Variants in GLT1D1 observed in about 807,000 individuals in gnomAD.
GLT1D1 encodes the protein glycosyltransferase 1 domain-containing protein 1.
Under a neutral mutation model 28.7 loss-of-function variants are expected in GLT1D1, and 21 were observed. That is an observed-to-expected ratio of 0.73 (90% confidence interval 0.52 to 1.05). The LOEUF (loss-of-function observed/expected upper bound fraction) is 1.05. Ranked by LOEUF, GLT1D1 falls within the 50% of genes least tolerant of loss-of-function variation. The probability of loss-of-function intolerance (pLI) is 0.00; values close to 1 mark genes in which losing one functional copy is unlikely to be tolerated. For missense variants in GLT1D1, 343 were observed against 330.6 expected, an observed-to-expected ratio of 1.04 and a Z score of -0.29; for synonymous variants, 147 against 124.8, an observed-to-expected ratio of 1.18 and a Z score of -1.19.
intron 3 of GLT1D1, among the ~76,000 whole-genome samples, chr12:128,892,310 C>CGT (rs1201602101): frequency 6.6e-6 from 1 of 151,964 alleles, no homozygotes; most frequent in Admixed American, 6.6e-5. Context: ...CATGTGTGTG[C>CGT]GTGTGTGTGT....
At chr12:128,886,649 T>G (rs369017508) in intron 2 of GLT1D1, among the ~76,000 whole-genome samples, 11 of 152,154 alleles carry the variant, frequency 7.2e-5, no homozygotes, top group Admixed American at 7.2e-4. Context: ...TTCCTCACTC[T>G]GAACTTGATT....
chr12:128,972,135 G>A (rs1391748469), intron 7 of GLT1D1, among the ~76,000 whole-genome samples: 1 of 152,138 alleles, frequency 6.6e-6, no homozygotes, highest in East Asian at 2.0e-4. Flanking sequence ...GCCATGAGAC[G>A]ACCAGGGTGC....
At chr12:128,963,875 G>A (rs778694983) in intron 7 of GLT1D1, among the ~76,000 whole-genome samples, 32 of 152,344 alleles carry the variant, frequency 2.1e-4, no homozygotes, top group Non-Finnish European at 2.2e-4. Context: ...GCAGCAGGTA[G>A]CATGCCCTCT....
At chr12:128,896,452 T>C (rs1234735742) in intron 3 of GLT1D1, among the ~76,000 whole-genome samples, 1 of 152,166 alleles carries the variant, frequency 6.6e-6, no homozygotes, top group Non-Finnish European at 1.5e-5. Flanking sequence ...TTTTTTGTAC[T>C]TCATGCGTGC....
chr12:128,954,319 A>G (rs1050401658), intron 6 of GLT1D1, among the ~76,000 whole-genome samples: 1 of 145,034 alleles, frequency 6.9e-6, no homozygotes, highest in African/African-American at 2.5e-5. Context: ...TTTAGTAGAG[A>G]TGGTGTTTCA....
At chr12:128,968,409 G>A (rs959460662) in intron 7 of GLT1D1, among the ~76,000 whole-genome samples, 12 of 151,746 alleles carry the variant, frequency 7.9e-5, no homozygotes, top group African/African-American at 1.9e-4. Flanking sequence ...AGTGGCTCAC[G>A]CCTGTCATCC....
In GLT1D1 at chr12:128,937,119, TTAAAAG is replaced by T. The variant is rs1260096180; in HGVS notation, c.376-8203_376-8198del. Among the ~76,000 whole-genome samples the T allele has an allele frequency of 3.9e-5, 6 of 152,182 alleles. 1 individual carries two copies. The highest frequency in any genetic ancestry group is 1.4e-4 in the African/African-American group (6 of 41,438). On this transcript the variant is annotated intron_variant, in intron 4 of 7. Coordinates refer to ENST00000281703, the MANE Select transcript of GLT1D1 (RefSeq NM_144669.3). ...TGAGAGCAGAGGCATGCTAATAAAATTAAAAGTAAGAGAAATTCCTAACTAAAAATA... is the reference window on the plus strand; with the variant it reads ...TGAGAGCAGAGGCATGCTAATAAAATTAAGAGAAATTCCTAACTAAAAATA...
intron 6 of GLT1D1, among the ~76,000 whole-genome samples, chr12:128,950,004 A>T (rs1378863422): frequency 2.0e-5 from 3 of 152,158 alleles, no homozygotes; most frequent in African/African-American, 7.2e-5. Context: ...GAAGGCATTC[A>T]AAGGCAGCTG....
At chr12:128,907,391 T>C (rs1454131411) in intron 4 of GLT1D1, among the ~76,000 whole-genome samples, 1 of 151,398 alleles carries the variant, frequency 6.6e-6, no homozygotes, top group African/African-American at 2.4e-5. Context: ...CTGCAAGCTC[T>C]GCCTCCCGGG....
chr12:128,943,592 G>A (rs780321968), intron 4 of GLT1D1, among the ~76,000 whole-genome samples: 11 of 152,114 alleles, frequency 7.2e-5, no homozygotes, highest in Admixed American at 1.3e-4. Flanking sequence ...CAGTACATAT[G>A]TATTTTCAAA....
At chr12:128,912,780 A>G (rs1290352930) in intron 4 of GLT1D1, among the ~76,000 whole-genome samples, 1 of 151,878 alleles carries the variant, frequency 6.6e-6, no homozygotes, top group Admixed American at 6.6e-5. Context: ...CTCTAGCCTC[A>G]GCCCCCCCAG....
At chr12:128,863,253 C>T (rs773896870) in intron 1 of GLT1D1, among the ~76,000 whole-genome samples, 3 of 152,178 alleles carry the variant, frequency 2.0e-5, no homozygotes, top group Non-Finnish European at 4.4e-5. Flanking sequence ...CCCAGCAAGG[C>T]GAGTCTGTCT....
In GLT1D1 at chr12:128,901,665, G is replaced by A. The variant is rs11060006; in HGVS notation, c.375+2378G>A. On this transcript the variant is annotated intron_variant, in intron 4 of 7. Transcript: ENST00000281703. ...TTGGCCAGGCTGGTCTCGAACTCCC[G>A]ACCTTGTGATCCACCCACCTTGGCC... 4.9e-3 allele frequency among the ~76,000 whole-genome samples: 724 copies of A among 148,036 alleles called. 3 individuals are homozygous for A. The highest frequency in any genetic ancestry group is 0.014 in the African/African-American group (560 of 38,954).
At chr12:128,932,370 T>G (rs565721203) in intron 4 of GLT1D1, among the ~76,000 whole-genome samples, 52 of 152,082 alleles carry the variant, frequency 3.4e-4, no homozygotes, top group Non-Finnish European at 6.0e-4. Context: ...GCCCAGCACG[T>G]TAGTTGGCTT....
chr12:128,944,246 TA>T, intron 4 of GLT1D1: 1 of 544,912 alleles, frequency 1.8e-6, no homozygotes. Flanking sequence ...ATCTTACTAC[TA>T]ATAGTTCCAC....
At chr12:128,925,484 C>T (rs1486738274) in intron 4 of GLT1D1, among the ~76,000 whole-genome samples, 1 of 152,224 alleles carries the variant, frequency 6.6e-6, no homozygotes, top group African/African-American at 2.4e-5. Context: ...TGGCTCCCAA[C>T]TCTATCCATG....
At chr12:128,890,491 T>C (rs1868916018) in intron 3 of GLT1D1, among the ~76,000 whole-genome samples, 2 of 152,136 alleles carry the variant, frequency 1.3e-5, no homozygotes, top group Admixed American at 6.6e-5. Context: ...ATTAAAATAA[T>C]GATAAAATCA....
chr12:128,914,981 A>C lies in GLT1D1; in HGVS notation c.375+15694A>C. 2.0e-6 allele frequency: 3 copies of C among 1,535,720 alleles called. No individual in the cohort carries two copies. In the South Asian group the frequency reaches 3.6e-5, roughly 18 times the overall value. On this transcript the variant is annotated intron_variant, in intron 4 of 7. Transcript: ENST00000281703. ...GCTTTTAACTGGAATACCTTTCTTC[A>C]ACGCTCTGGTGAGACATGAGATCTT...
intron 1 of GLT1D1, among the ~76,000 whole-genome samples, chr12:128,860,063 G>T (rs1464721065): frequency 6.6e-6 from 1 of 152,180 alleles, no homozygotes. Context: ...AGCTGCTAGC[G>T]AGTATTCTGA....
Sources: allele counts gnomAD v4.1 joint callset (sites outside exome capture counted in the v4.1 genomes callset), GRCh38; gene constraint gnomAD v4.1.1; transcripts MANE v1.5; gene names NCBI Gene and HGNC (gene_info 2026-07-23, HGNC 2026-07-21).